The following DHX37 variants were observed in gnomAD, a reference collection of about 807,000 sequenced individuals.
DHX37 encodes DEAH-box helicase 37.
In DHX37, 52 loss-of-function variants were observed where a neutral mutation model predicts 134.3. The ratio of observed to expected loss-of-function variants is 0.39; its 90% CI spans 0.31 to 0.49. DHX37 has a LOEUF of 0.49. Among genes scored for constraint, DHX37 ranks in the 20% least tolerant of loss-of-function variants. The probability of loss-of-function intolerance (pLI) is 0.93; values close to 1 mark genes in which losing one functional copy is unlikely to be tolerated. For synonymous variants in DHX37, 634 were observed against 670.7 expected (o/e 0.95, Z 0.85); for missense variants, 1,344 against 1,580.8 (o/e 0.85, Z 2.54).
In DHX37 at chr12:124,980,803, T is replaced by G; in HGVS notation, c.425A>C (p.Lys142Thr). The change falls in exon 4 of 27, where the codon AAG becomes ACG. Residue 142 changes from lysine (K) to threonine (T), a missense_variant. Lys to Thr is a moderately conservative substitution (Grantham distance 78). Around this residue, in one of 7 missense-constraint regions of DHX37, gnomAD observed 319 missense variants for 296.1 expected, o/e 1.08. Coordinates refer to ENST00000308736, the MANE Select transcript of DHX37 (RefSeq NM_032656.4). The surrounding 1 kb of genome is among the most constrained non-coding windows in gnomAD (Gnocchi z 5.3). ...GTGGGCACCGCTGAGGCTACTGATCTTCTCCTGGCCCGGGGCTACCACCTC... is the reference window on the plus strand; with the variant it reads ...GTGGGCACCGCTGAGGCTACTGATCGTCTCCTGGCCCGGGGCTACCACCTC... ...ADEVVAPGQEKISSLSGAHRK... is the reference protein window; with the variant it reads ...ADEVVAPGQETISSLSGAHRK... 1 of 1,557,658 alleles carries G rather than the reference T, an allele frequency of 6.4e-7. No homozygotes were observed. The highest frequency in any genetic ancestry group is 8.7e-7 in the Non-Finnish European group (1 of 1,153,742).
At chr12:124,960,161 C>G (rs377737968) in intron 16 of DHX37, 151 bp downstream of exon 16, 5 of 1,365,934 alleles carry the variant, frequency 3.7e-6, no homozygotes, top group East Asian at 2.3e-5. Context: ...CACAGGAGCC[C>G]AGAAGCCCTG....
rs567629933 is a variant in DHX37, at chr12:124,964,129, A to T, written c.2045+265T>A. Among the ~76,000 whole-genome samples, 9 of 138,288 alleles carry T rather than the reference A, an allele frequency of 6.5e-5. No homozygotes were observed. In the South Asian group the frequency reaches 1.9e-3, roughly 29 times the overall value. The allele number at this position is 138,288 out of a possible 152,430, so 90.7% of individuals were successfully genotyped here. A position where few individuals can be genotyped will look rare whatever the true frequency, so the allele number is the denominator to read the frequency against. On this transcript the variant is annotated intron_variant, in intron 15 of 26. Coordinates refer to ENST00000308736, the MANE Select transcript of DHX37 (RefSeq NM_032656.4). ...AGAATTGCTTCAACGTAGGAGGTGG[A>T]GGTTGCAGTGAGTCGAGATCACGCC...
intron 10 of DHX37, among the ~76,000 whole-genome samples, chr12:124,967,437 T>A (rs546152435): frequency 1.3e-5 from 2 of 152,104 alleles, no homozygotes; most frequent in African/African-American, 2.4e-5. Flanking sequence ...CCCAGCAGCA[T>A]CACTCCCAGG....
At chr12:124,985,813 A>T (rs1012641043) in intron 2 of DHX37, among the ~76,000 whole-genome samples, 2 of 151,446 alleles carry the variant, frequency 1.3e-5, no homozygotes, top group East Asian at 3.9e-4. Context: ...AAGAAAAAAA[A>T]ATTAAATTTA....
chr12:124,957,270 C>T, intron 16 of DHX37, 135 bp from the exon 17 acceptor site: 5 of 695,590 alleles, frequency 7.2e-6, no homozygotes, highest in Non-Finnish European at 8.4e-6. Flanking sequence ...ACACAGGGGC[C>T]TGGGGCACTC....
intron 15 of DHX37, among the ~76,000 whole-genome samples, chr12:124,963,399 T>C (rs1279463294): frequency 3.9e-5 from 6 of 152,156 alleles, no homozygotes; most frequent in Non-Finnish European, 8.8e-5. Flanking sequence ...GGTTTCTTTT[T>C]GGGTTGATGG....
Position 124,988,961 on chromosome 12 carries a change from G to C in DHX37, c.62C>G (p.Ser21Trp). 7.4e-7 allele frequency: 1 copy of C among 1,344,642 alleles called. No homozygotes were observed. Among genetic ancestry groups the C allele is most frequent in the Non-Finnish European group, 9.6e-7 (1 of 1,039,006 alleles). The allele number at this position is 1,344,642 out of a possible 1,614,324, so 83.3% of individuals were successfully genotyped here. ...KGRQQAGPGP[S>W]KGPPEPPPVQ... is the part of the protein sequence containing the mutation. ...GGGGGGCGGCTCGGGGGGGCCCTTC[G>C]AGGGTCCGGGGCCCGCCTGCTGGCG... The change falls in exon 1 of 27, where the codon TCG becomes TGG. Residue 21 changes from serine to tryptophan, a missense_variant. Ser to Trp is a radical substitution (Grantham distance 177). Around this residue, in one of 7 missense-constraint regions of DHX37, gnomAD observed 319 missense variants for 296.1 expected, o/e 1.08. Transcript: ENST00000308736.
Position 124,947,472 on chromosome 12 carries a change from G to C in DHX37, c.*330C>G. 1 of 239,002 alleles carries C rather than the reference G, an allele frequency of 4.2e-6. No homozygotes were observed. Among genetic ancestry groups the C allele is most frequent in the Non-Finnish European group, 8.0e-6 (1 of 124,610 alleles). The allele number at this position is 239,002 out of a possible 1,614,324, so 14.8% of individuals were successfully genotyped here. On this transcript the variant is annotated 3_prime_UTR_variant, in exon 27 of 27. Coordinates refer to ENST00000308736, the MANE Select transcript of DHX37 (RefSeq NM_032656.4). Reference sequence around the variant, plus strand: ...CCTTCTGGCAGGGCGGGCGGGGAAGGGACTGCAGAGATCTCCAGCCCTGCT... The same window carrying C: ...CCTTCTGGCAGGGCGGGCGGGGAAGCGACTGCAGAGATCTCCAGCCCTGCT...
chr12:124,981,878 C>T (rs1954767376), intron 3 of DHX37, among the ~76,000 whole-genome samples: 1 of 150,908 alleles, frequency 6.6e-6, no homozygotes, highest in Admixed American at 6.6e-5. Context: ...AATCCCAGCA[C>T]TTTGGGAGGC....
chr12:124,964,279 G>A (rs928486899), intron 15 of DHX37, 115 bp downstream of exon 15: 30 of 1,496,264 alleles, frequency 2.0e-5, no homozygotes, highest in South Asian at 3.8e-5. Flanking sequence ...ACAGGGGCCC[G>A]GCAGGACACG....
intron 3 of DHX37, among the ~76,000 whole-genome samples, chr12:124,981,134 G>A (rs1267981187): frequency 6.6e-6 from 1 of 152,072 alleles, no homozygotes; most frequent in Non-Finnish European, 1.5e-5. Context: ...AGATGCACTC[G>A]CCTGATGACT....
chr12:124,974,011 T>C (rs11057941), intron 6 of DHX37, among the ~76,000 whole-genome samples: 99,203 of 150,020 alleles, frequency 0.66, 33,268 homozygotes, highest in East Asian at 0.77. Flanking sequence ...GCAGTGGTGC[T>C]ATCTCAATCT....
Position 124,956,819 on chromosome 12 carries a change from C to A in DHX37, c.2325G>T (p.Met775Ile). Reference protein sequence around the residue: ...SCPITALGRTMATFPVAPRYA... With the variant: ...SCPITALGRTIATFPVAPRYA... ...AGCGGGGTGCCACGGGGAATGTGGC[C>A]ATTGTCCGGCCCAGCGCAGTGATGG... is the stretch of plus-strand genomic sequence containing the variant. Residue 775 changes from methionine to isoleucine, a missense_variant, in exon 18 of 27, where the codon ATG (methionine) becomes ATT (isoleucine). Coordinates refer to ENST00000308736, the MANE Select transcript of DHX37 (RefSeq NM_032656.4). The A allele has an allele frequency of 6.2e-7, 1 of 1,611,500 alleles. No individual in the cohort carries two copies. The highest frequency in any genetic ancestry group is 8.5e-7 in the Non-Finnish European group (1 of 1,178,120).
intron 8 of DHX37, among the ~76,000 whole-genome samples, chr12:124,970,555 G>C (rs1954495966): frequency 6.6e-6 from 1 of 152,126 alleles, no homozygotes; most frequent in Non-Finnish European, 1.5e-5. Context: ...TGAGCTCAGA[G>C]GTCACTTTTC....
At chr12:124,981,558 C>T (rs1954761189) in intron 3 of DHX37, among the ~76,000 whole-genome samples, 1 of 152,120 alleles carries the variant, frequency 6.6e-6, no homozygotes, top group South Asian at 2.1e-4. Flanking sequence ...CCTCAGCCGC[C>T]AGAGTAGCTG....
intron 2 of DHX37, among the ~76,000 whole-genome samples, chr12:124,984,838 G>A (rs1453627418): frequency 1.3e-5 from 2 of 152,194 alleles, no homozygotes; most frequent in African/African-American, 4.8e-5. Context: ...TCGTATCCCA[G>A]AACTTGCGAA....
intron 16 of DHX37, among the ~76,000 whole-genome samples, chr12:124,958,910 C>CTTT (rs35528941): frequency 8.2e-6 from 1 of 122,446 alleles, no homozygotes; most frequent in Non-Finnish European, 1.7e-5. Flanking sequence ...ATGCACCCAG[C>CTTT]TTTTTTTTTT....
At chr12:124,968,679 G>C (rs543175724) in intron 9 of DHX37, 31 bp from the exon 10 acceptor site, 219 of 1,603,128 alleles carry the variant, frequency 1.4e-4, no homozygotes, top group Admixed American at 5.0e-4. Flanking sequence ...CATGGGGAGT[G>C]GGGGGGACAC....
chr12:124,967,058 G>A, intron 11 of DHX37, 65 bp downstream of exon 11: 1 of 1,583,392 alleles, frequency 6.3e-7, no homozygotes, highest in Non-Finnish European at 8.6e-7. Flanking sequence ...CTGCACCCCA[G>A]CCAGGGAGCG....
Sources: allele counts gnomAD v4.1 joint callset (sites outside exome capture counted in the v4.1 genomes callset), GRCh38; gene constraint gnomAD v4.1.1; regional missense constraint gnomAD v4.1.1; non-coding constraint Gnocchi (gnomAD v3.1); transcripts MANE v1.5; gene names NCBI Gene and HGNC (gene_info 2026-07-23, HGNC 2026-07-21).